Variants in TRIO observed in about 807,000 individuals in gnomAD.
The protein encoded by TRIO is triple functional domain protein.
In TRIO, 58 loss-of-function variants were observed where a neutral mutation model predicts 351.9. The ratio of observed to expected loss-of-function variants is 0.16; its 90% CI spans 0.13 to 0.21. The LOEUF is 0.21. Ranked by LOEUF, TRIO falls within the 10% of genes least tolerant of loss-of-function variation. TRIO has a pLI of 1.00. For missense variants in TRIO, 3,201 were observed against 4,027.8 expected, an observed-to-expected ratio of 0.79 and a Z score of 5.56; for synonymous variants, 1,758 against 1,595.7, an observed-to-expected ratio of 1.10 and a Z score of -2.42.
At chr5:14,303,030 G>A (rs1023300073) in intron 7 of TRIO, among the ~76,000 whole-genome samples, 6 of 151,936 alleles carry the variant, frequency 3.9e-5, no homozygotes, top group Non-Finnish European at 8.8e-5. Flanking sequence ...GGTTGGGATG[G>A]CTGCCGCAGG....
In TRIO at chr5:14,262,802, G is replaced by A. The variant is rs569910491; in HGVS notation, c.158-8023G>A. 4.6e-5 allele frequency among the ~76,000 whole-genome samples: 7 copies of A among 152,160 alleles called. No homozygotes were observed. The South Asian group carries it at 1.5e-3, about 32-fold the overall frequency. On this transcript the variant is annotated intron_variant, in intron 1 of 56. Coordinates refer to ENST00000344204, the MANE Select transcript of TRIO (RefSeq NM_007118.4). Reference sequence around the variant, plus strand: ...TGTTCTGGGACCTACACTGTGGGGAGCAGGTTTGTGGGCATGAGCATGAGG... The same window carrying A: ...TGTTCTGGGACCTACACTGTGGGGAACAGGTTTGTGGGCATGAGCATGAGG...
chr5:14,299,510 C>G (rs1295333701), intron 7 of TRIO, among the ~76,000 whole-genome samples: 4 of 152,138 alleles, frequency 2.6e-5, no homozygotes, highest in African/African-American at 9.7e-5. Context: ...TCCTTACTTG[C>G]AAGTAAAAAT....
chr5:14,322,237 A>G (rs556508201), intron 9 of TRIO, among the ~76,000 whole-genome samples: 19 of 152,320 alleles, frequency 1.2e-4, no homozygotes, highest in African/African-American at 4.3e-4. Context: ...CTAATTAAAG[A>G]TTCTTTGGGG....
intron 8 of TRIO, among the ~76,000 whole-genome samples, chr5:14,312,798 C>T (rs1285808624): frequency 6.6e-6 from 1 of 152,144 alleles, no homozygotes; most frequent in Non-Finnish European, 1.5e-5. Context: ...TTTGTCTGCT[C>T]TATATAGTCT....
intron 1 of TRIO, among the ~76,000 whole-genome samples, chr5:14,178,755 A>G (rs1789561097): frequency 6.6e-6 from 1 of 152,100 alleles, no homozygotes; most frequent in African/African-American, 2.4e-5. Flanking sequence ...ATGATGTTTG[A>G]CTCAGTCCAG....
intron 9 of TRIO, among the ~76,000 whole-genome samples, chr5:14,328,095 T>C (rs1196303359): frequency 6.6e-6 from 1 of 152,268 alleles, no homozygotes; most frequent in Non-Finnish European, 1.5e-5. Context: ...AATACACTAA[T>C]GTGCTCAATA....
intron 1 of TRIO, among the ~76,000 whole-genome samples, chr5:14,229,616 C>T (rs1793279960): frequency 6.6e-6 from 1 of 152,148 alleles, no homozygotes; most frequent in Non-Finnish European, 1.5e-5. Flanking sequence ...AGGAAGACAA[C>T]GTTCAAGGCT....
At chr5:14,198,357 T>G (rs1790899927) in intron 1 of TRIO, among the ~76,000 whole-genome samples, 1 of 152,200 alleles carries the variant, frequency 6.6e-6, no homozygotes, top group Admixed American at 6.5e-5. Flanking sequence ...TTCTGTTCCC[T>G]TGTGCCCTGC....
At chr5:14,200,222 T>G (rs1172802466) in intron 1 of TRIO, among the ~76,000 whole-genome samples, 1 of 152,122 alleles carries the variant, frequency 6.6e-6, no homozygotes, top group Non-Finnish European at 1.5e-5. Context: ...TGCCATCCAT[T>G]ATATGCCTCC....
At chr5:14,342,147 T>C (rs1311087665) in intron 11 of TRIO, among the ~76,000 whole-genome samples, 1 of 141,744 alleles carries the variant, frequency 7.1e-6, no homozygotes, top group Non-Finnish European at 1.5e-5. Context: ...CTTCTTGCAC[T>C]GGGGCCGGGG....
At chr5:14,289,866 A>G (rs1177943199) in intron 4 of TRIO, among the ~76,000 whole-genome samples, 1 of 152,124 alleles carries the variant, frequency 6.6e-6, no homozygotes, top group South Asian at 2.1e-4. Flanking sequence ...AATAATAATA[A>G]TAAATATAAA....
chr5:14,384,321 A>G (rs1746362386), intron 21 of TRIO, among the ~76,000 whole-genome samples: 1 of 152,232 alleles, frequency 6.6e-6, no homozygotes. Flanking sequence ...AGTGTCTAAC[A>G]CCATTGAATT....
At chr5:14,358,115 C>T (rs570784597) in intron 11 of TRIO, 63 bp from the exon 12 acceptor site, 9 of 1,541,274 alleles carry the variant, frequency 5.8e-6, no homozygotes, top group East Asian at 4.7e-5. Flanking sequence ...CCTTGGACAC[C>T]GGGCGGCCCA....
Position 14,305,701 on chromosome 5 carries a change from G to T in TRIO, c.1500+1109G>T, listed in dbSNP as rs139927063. ...ATTTCCTGTTGTGCTTCACTGCCCA[G>T]CTGTCACTCTCATATCCTTGGGCCT... On this transcript the variant is annotated intron_variant, in intron 8 of 56. Coordinates refer to ENST00000344204, the MANE Select transcript of TRIO (RefSeq NM_007118.4). Among the ~76,000 whole-genome samples the T allele has an allele frequency of 8.7e-3, 1,319 of 152,296 alleles. 14 individuals are homozygous for T. Among genetic ancestry groups the T allele is most frequent in the African/African-American group, 0.03 (1,241 of 41,536 alleles).
chr5:14,375,963 G>C lies in TRIO; in HGVS notation c.3331+1620G>C, dbSNP rs562866765. Among the ~76,000 whole-genome samples the C allele has an allele frequency of 6.6e-5, 10 of 152,226 alleles. No homozygotes were observed. In the South Asian group the frequency reaches 2.1e-3, roughly 32 times the overall value. On this transcript the variant is annotated intron_variant, in intron 19 of 56. Transcript: ENST00000344204. ...GACCACTGGTCCCTGGGGGATAGTT[G>C]GCAGTGTCTAAAGGCATTTTTTATT...
At position 14,387,424 on chromosome 5, in the gene TRIO, G is replaced by A; in HGVS notation, c.3571-14G>A. 1 of 1,593,828 alleles carries A rather than the reference G, an allele frequency of 6.3e-7. No homozygotes were observed. Among genetic ancestry groups the A allele is most frequent in the Non-Finnish European group, 8.6e-7 (1 of 1,168,670 alleles). ...TTCATTTGCCTCACAATACTTTCCT[G>A]TTGTTTTTTGCAGCAAACCAAAGAG... On this transcript the variant is annotated splice_polypyrimidine_tract_variant and intron_variant, in intron 21 of 56. Transcript: ENST00000344204.
intron 27 of TRIO, among the ~76,000 whole-genome samples, chr5:14,393,599 C>T (rs1169484725): frequency 6.6e-6 from 1 of 152,142 alleles, no homozygotes; most frequent in Non-Finnish European, 1.5e-5. Context: ...GTATGGTGCT[C>T]ATTTAACTCT....
chr5:14,284,798 G>T (rs1330021933), intron 3 of TRIO, among the ~76,000 whole-genome samples: 1 of 152,166 alleles, frequency 6.6e-6, no homozygotes, highest in Non-Finnish European at 1.5e-5. Context: ...AAAACATATT[G>T]CCACCGTTTT....
intron 11 of TRIO, among the ~76,000 whole-genome samples, chr5:14,351,379 T>C (rs1743087281): frequency 6.6e-6 from 1 of 152,260 alleles, no homozygotes. Context: ...AGATTCCACC[T>C]GCAAGTTGCC....
Sources: gnomAD v4.1 joint callset for allele counts (sites outside exome capture counted in the v4.1 genomes callset) on GRCh38, gnomAD v4.1.1 for gene constraint, MANE v1.5 for transcripts, NCBI Gene and HGNC (gene_info 2026-07-23, HGNC 2026-07-21) for gene names.